Variants in NECAB3 observed in about 807,000 individuals in gnomAD.
NECAB3 encodes the protein N-terminal EF-hand calcium binding protein 3.
In NECAB3, 38 loss-of-function variants were observed where a neutral mutation model predicts 57.2. The ratio of observed to expected loss-of-function variants is 0.66; its 90% CI spans 0.51 to 0.87. The LOEUF (loss-of-function observed/expected upper bound fraction) is 0.87. NECAB3 is among the 40% of genes least tolerant of loss of function. The probability of loss-of-function intolerance (pLI) is 0.00; values close to 1 mark genes in which losing one functional copy is unlikely to be tolerated. For missense variants in NECAB3, 474 were observed against 527.5 expected (o/e 0.90, Z 0.99); for synonymous variants, 223 against 222.6 (o/e 1.00, Z -0.02).
chr20:33,663,758 G>T, intron 5 of NECAB3: 3 of 1,461,094 alleles, frequency 2.1e-6, no homozygotes, highest in Non-Finnish European at 2.7e-6. Context: ...GCTCTGAGCT[G>T]GCCGCGGCTG....
chr20:33,667,180 G>C (rs1387505710), intron 5 of NECAB3: 2 of 266,952 alleles, frequency 7.5e-6, no homozygotes, highest in Non-Finnish European at 1.4e-5. Flanking sequence ...CACCAAGGCG[G>C]GCTTCGCGGG....
intron 5 of NECAB3, chr20:33,667,569 G>A (rs2017703441): frequency 1.9e-6 from 3 of 1,556,456 alleles, no homozygotes; most frequent in Non-Finnish European, 1.7e-6. Flanking sequence ...AGGCGGGCGC[G>A]GGCGTGTGCC....
At position 33,662,479 on chromosome 20, in the gene NECAB3, C is replaced by T. The variant is rs368297450; in HGVS notation, c.388-2084G>A. On this transcript the variant is annotated intron_variant, in intron 5 of 11. Coordinates refer to ENST00000246190, the MANE Select transcript of NECAB3 (RefSeq NM_031232.4). ...ACTCGGAAGAAGCCGGCTGTGAGGG[C>T]GGGGGATGGGGAGCAGGGCTGGGGA... 1.2e-5 allele frequency: 19 copies of T among 1,550,304 alleles called. No individual in the cohort carries two copies. The Admixed American group carries it at 1.8e-4, about 14-fold the overall frequency.
intron 5 of NECAB3, chr20:33,667,850 G>A: frequency 1.2e-6 from 2 of 1,608,834 alleles, no homozygotes; most frequent in Non-Finnish European, 8.5e-7. Flanking sequence ...TGCCTCAGCA[G>A]TGAGCGCTTC....
In NECAB3 at chr20:33,660,356, G is replaced by A. The variant is rs1169461809; in HGVS notation, c.427C>T (p.Arg143Cys). ...CTCACCGTCTCCCGCAGCAGGAAGC[G>A]CGTCACAAACTGGTCCACTTTGGAG... The part of the protein sequence containing the change: ...RASKVDQFVT[R>C]FLLRETVSQL... Residue 143 changes from arginine (R) to cysteine (C), a missense_variant, in exon 6 of 12, where the codon CGC becomes TGC. Physicochemically the swap from Arg to Cys is radical, Grantham distance 180. Coordinates refer to ENST00000246190, the MANE Select transcript of NECAB3 (RefSeq NM_031232.4). This position sits in a 1 kb window ranked among gnomAD's most constrained non-coding sequence, Gnocchi z 4.1. 5.6e-6 allele frequency: 9 copies of A among 1,613,558 alleles called. No individual in the cohort carries two copies. Among genetic ancestry groups the A allele is most frequent in the Admixed American group, 3.3e-5 (2 of 60,000 alleles).
chr20:33,658,147 T>C, intron 10 of NECAB3, 114 bp from the exon 11 acceptor site: 14 of 907,824 alleles, frequency 1.5e-5, no homozygotes, highest in Non-Finnish European at 2.2e-5. Context: ...TCCTCTCCCC[T>C]GTGACACGGG....
At chr20:33,669,661 A>G in intron 4 of NECAB3, 26 bp downstream of exon 4, 1 of 1,578,768 alleles carries the variant, frequency 6.3e-7, no homozygotes, top group African/African-American at 1.4e-5. Flanking sequence ...GCCACAGGAG[A>G]AAAGAGCTCC....
chr20:33,670,890 C>G (rs2017816061), intron 2 of NECAB3, 98 bp from the exon 3 acceptor site: 2 of 781,538 alleles, frequency 2.6e-6, no homozygotes, highest in East Asian at 2.6e-5. Flanking sequence ...CTCATAGCAT[C>G]TGACAACCAT....
chr20:33,657,911 G>A (rs764436874), intron 11 of NECAB3, 31 bp downstream of exon 11: 1 of 1,550,686 alleles, frequency 6.4e-7, no homozygotes, highest in South Asian at 1.2e-5. Flanking sequence ...TGCCCCTCCA[G>A]GGCCACAGTG....
At chr20:33,661,902 C>A (rs1036605065) in intron 5 of NECAB3, 1 of 153,588 alleles carries the variant, frequency 6.5e-6, no homozygotes, top group African/African-American at 2.4e-5. Flanking sequence ...CCACCCGCCT[C>A]GGCCTCCCAA....
rs757580108 is a variant in NECAB3 at position 33,659,564 on chromosome 20, G to A, written c.812C>T (p.Ser271Phe). Residue 271 changes from serine to phenylalanine, a missense_variant, in exon 8 of 12, where the codon TCT (serine) becomes TTT (phenylalanine). Transcript: ENST00000246190. The part of the protein sequence containing the change: ...PGPCWRPGPH[S>F]VPSQAPRLEP... ...CAGCCGGGGGGCCTGTGAGGGCACA[G>A]AGTGTGGGCCGGGCCTCCAGCATGG... 1.9e-6 allele frequency: 3 copies of A among 1,582,742 alleles called. No individual in the cohort carries two copies. The highest frequency in any genetic ancestry group is 2.3e-5 in the East Asian group (1 of 43,616).
chr20:33,662,613 T>G, intron 5 of NECAB3: 7 of 981,858 alleles, frequency 7.1e-6, no homozygotes, highest in Non-Finnish European at 8.9e-6. Flanking sequence ...CGAAAATCTC[T>G]CCCAAGGATG....
intron 5 of NECAB3, chr20:33,668,394 T>G: frequency 9.7e-7 from 1 of 1,027,506 alleles, no homozygotes; most frequent in Non-Finnish European, 1.3e-6. Context: ...TTGGGACCCA[T>G]GGGACCCTCA....
chr20:33,663,869 C>T, intron 5 of NECAB3: 1 of 1,386,374 alleles, frequency 7.2e-7, no homozygotes, highest in Non-Finnish European at 9.3e-7. Context: ...CAGCTTTAAA[C>T]GCTTGGCCCG....
Position 33,658,460 on chromosome 20 carries a change from C to T in NECAB3, c.1070+17G>A, listed in dbSNP as rs760688456. On this transcript the variant is annotated intron_variant, in intron 10 of 11. Transcript: ENST00000246190. ...GGCCACATTCCATGGTGTTAGCGGCCAGACTGGCACTCATACCTTCTCCAG... is the reference window on the plus strand; with the variant it reads ...GGCCACATTCCATGGTGTTAGCGGCTAGACTGGCACTCATACCTTCTCCAG... The T allele has an allele frequency of 1.2e-6, 2 of 1,612,978 alleles. No homozygotes were observed. Among genetic ancestry groups the T allele is most frequent in the Non-Finnish European group, 1.7e-6 (2 of 1,179,050 alleles).
intron 5 of NECAB3, chr20:33,663,862 C>T: frequency 2.1e-6 from 3 of 1,396,684 alleles, no homozygotes; most frequent in South Asian, 3.1e-5. Flanking sequence ...TCGCCCGCAG[C>T]TTTAAACGCT....
rs372219220 is a variant in NECAB3 at position 33,672,491 on chromosome 20, C to T, written c.130-69G>A. ...GGAAGCCAGAGGCCCCCACTCAACC[C>T]GACAGGGTCCCAGCTGGCCGACCTA... On this transcript the variant is annotated intron_variant, in intron 1 of 11. Coordinates refer to ENST00000246190, the MANE Select transcript of NECAB3 (RefSeq NM_031232.4). 1.0e-4 allele frequency: 159 copies of T among 1,596,966 alleles called. No homozygotes were observed. The African/African-American group carries it at 1.9e-3, about 19-fold the overall frequency.
intron 3 of NECAB3, 103 bp downstream of exon 3, chr20:33,670,581 C>T (rs2017808474): frequency 2.6e-6 from 2 of 772,644 alleles, no homozygotes; most frequent in South Asian, 1.8e-5. Flanking sequence ...TTTCTCCCTG[C>T]CCCCTCTTCC....
chr20:33,667,646 G>C (rs146868098), intron 5 of NECAB3: 1 of 1,608,064 alleles, frequency 6.2e-7, no homozygotes, highest in Non-Finnish European at 8.5e-7. Flanking sequence ...GTGGCAGGCA[G>C]CACCCTGTCG....
Sources: gnomAD v4.1 joint callset for allele counts on GRCh38, gnomAD v4.1.1 for gene constraint, Gnocchi (gnomAD v3.1) non-coding constraint, MANE v1.5 for transcripts, NCBI Gene and HGNC (gene_info 2026-07-23, HGNC 2026-07-21) for gene names.